The following MED12L variants were observed in gnomAD, a reference collection of about 807,000 sequenced individuals.
The protein encoded by MED12L is mediator of RNA polymerase II transcription subunit 12-like protein.
A neutral mutation model predicts 281.3 loss-of-function variants in MED12L; 60 were observed. The ratio of observed to expected loss-of-function variants is 0.21; its 90% confidence interval spans 0.17 to 0.26. The LOEUF is 0.26. MED12L is among the 10% of genes least tolerant of loss of function. The probability of loss-of-function intolerance (pLI) is 1.00; values close to 1 mark genes in which losing one functional copy is unlikely to be tolerated. For missense variants in MED12L, 2,146 were observed against 2,680.9 expected (o/e 0.80, Z 4.41); for synonymous variants, 974 against 987.2 (o/e 0.99, Z 0.25).
At chr3:151,326,421 C>A (rs1370056281) in intron 16 of MED12L, 1 of 152,418 alleles carries the variant, frequency 6.6e-6, no homozygotes, top group Non-Finnish European at 1.5e-5. Context: ...AATTACAATG[C>A]AATGTGATAA....
At chr3:151,108,198 G>A (rs1284561797) in intron 2 of MED12L, among the ~76,000 whole-genome samples, 4 of 124,440 alleles carry the variant, frequency 3.2e-5, no homozygotes, top group Non-Finnish European at 3.2e-5. Flanking sequence ...AGCAGTAGCC[G>A]AATCCTGCTG....
rs1469097031 is a variant in MED12L, at chr3:151,384,752, G to A, written c.4927-278G>A. ...GTTCTGCAGCTCCTGTCTTCTGATTGTGATCACTACCCTGGATTTTTGTCA... is the reference window on the plus strand; with the variant it reads ...GTTCTGCAGCTCCTGTCTTCTGATTATGATCACTACCCTGGATTTTTGTCA... On this transcript the variant is annotated intron_variant, in intron 35 of 44. Coordinates refer to ENST00000687756, the MANE Select transcript of MED12L (RefSeq NM_001393769.1). 2.7e-5 allele frequency: 9 copies of A among 328,110 alleles called. No homozygotes were observed. In the East Asian group the frequency reaches 6.9e-4, roughly 25 times the overall value. The allele number at this position is 328,110 out of a possible 1,614,324, so 20.3% of individuals were successfully genotyped here. A position where few individuals can be genotyped will look rare whatever the true frequency, so the allele number is the denominator to read the frequency against.
chr3:151,206,218 G>A (rs549672312), intron 16 of MED12L, among the ~76,000 whole-genome samples: 4 of 151,862 alleles, frequency 2.6e-5, no homozygotes, highest in African/African-American at 4.8e-5. Context: ...AAATGTAGAC[G>A]TATGGTTTCC....
At chr3:151,195,877 T>C (rs1486055862) in intron 16 of MED12L, among the ~76,000 whole-genome samples, 3 of 152,200 alleles carry the variant, frequency 2.0e-5, no homozygotes, top group Admixed American at 2.0e-4. Context: ...CGGAAATTAC[T>C]CTAATAAAAA....
chr3:151,406,417 G>T (rs918762715), intron 39 of MED12L, among the ~76,000 whole-genome samples: 1 of 152,230 alleles, frequency 6.6e-6, no homozygotes, highest in Non-Finnish European at 1.5e-5. Context: ...TCTGATAGGA[G>T]AGATTAGGGT....
At chr3:151,408,818 C>G (rs933584997) in intron 39 of MED12L, among the ~76,000 whole-genome samples, 1 of 152,202 alleles carries the variant, frequency 6.6e-6, no homozygotes, top group Non-Finnish European at 1.5e-5. Flanking sequence ...GAAGAAGCTT[C>G]ATTAAAAAGT....
intron 16 of MED12L, among the ~76,000 whole-genome samples, chr3:151,284,263 T>C (rs1743172331): frequency 6.6e-6 from 1 of 151,918 alleles, no homozygotes; most frequent in South Asian, 2.1e-4. Context: ...GTGCTATGGG[T>C]GATCACATGT....
At chr3:151,422,577 A>G (rs182958435) in intron 43 of MED12L, among the ~76,000 whole-genome samples, 3 of 152,204 alleles carry the variant, frequency 2.0e-5, no homozygotes, top group Non-Finnish European at 4.4e-5. Context: ...TAAGGACACC[A>G]GTCATATTGG....
intron 2 of MED12L, among the ~76,000 whole-genome samples, chr3:151,110,179 A>G (rs903783340): frequency 6.6e-6 from 1 of 152,210 alleles, no homozygotes; most frequent in Admixed American, 6.5e-5. Flanking sequence ...TTTTAGAGGC[A>G]TGCTGTTCCA....
chr3:151,097,839 C>T (rs1460805328), intron 2 of MED12L, among the ~76,000 whole-genome samples: 1 of 152,112 alleles, frequency 6.6e-6, no homozygotes, highest in Admixed American at 6.5e-5. Context: ...GAGAAACTGT[C>T]GTCTAGAGGG....
chr3:151,304,661 G>C (rs528645550), intron 16 of MED12L, among the ~76,000 whole-genome samples: 5 of 151,814 alleles, frequency 3.3e-5, no homozygotes, highest in African/African-American at 9.7e-5. Flanking sequence ...GGAGTGTATA[G>C]AGCAAGGATT....
chr3:151,099,945 CAG>C (rs1339206797), intron 2 of MED12L, among the ~76,000 whole-genome samples: 3 of 152,120 alleles, frequency 2.0e-5, no homozygotes, highest in African/African-American at 4.8e-5. Context: ...TTCCTGGACT[CAG>C]GGGATCTCTG....
chr3:151,376,977 A>G lies in MED12L; in HGVS notation c.4129-14A>G, dbSNP rs752493417. ...AATACACATATGTGCCAGTATTCTT[A>G]TATCTAACTCTAGGGCTCTGGTTCT... On this transcript the variant is annotated splice_polypyrimidine_tract_variant and intron_variant, in intron 29 of 44. Coordinates refer to ENST00000687756, the MANE Select transcript of MED12L (RefSeq NM_001393769.1). 5 of 1,612,906 alleles carry G rather than the reference A, an allele frequency of 3.1e-6. No individual in the cohort carries two copies. The highest frequency in any genetic ancestry group is 4.2e-6 in the Non-Finnish European group (5 of 1,179,364).
chr3:151,252,087 T>C (rs1736958872), intron 16 of MED12L, among the ~76,000 whole-genome samples: 2 of 152,154 alleles, frequency 1.3e-5, no homozygotes, highest in South Asian at 4.1e-4. Context: ...CCCTTTCCTA[T>C]GGGAGGTTAT....
At position 151,355,117 on chromosome 3, in the gene MED12L, G is replaced by A; in HGVS notation, c.2399-4G>A. ...AATAATGGATCTGCTTTATGTTTAT[G>A]TAGTTGGGGACGAAGGACAAAAAGC... is the stretch of plus-strand genomic sequence containing the variant. On this transcript the variant is annotated splice_polypyrimidine_tract_variant and splice_region_variant and intron_variant, in intron 17 of 44. Transcript: ENST00000687756. 6.2e-7 allele frequency: 1 copy of A among 1,604,130 alleles called. No individual in the cohort carries two copies. Among genetic ancestry groups the A allele is most frequent in the Non-Finnish European group, 8.5e-7 (1 of 1,171,470 alleles).
intron 16 of MED12L, among the ~76,000 whole-genome samples, chr3:151,247,973 T>A (rs1406124939): frequency 6.9e-6 from 1 of 144,432 alleles, no homozygotes; most frequent in Non-Finnish European, 1.5e-5. Context: ...TTTTTTTTTT[T>A]TTTTTTTTTT....
chr3:151,389,895 CAGAT>C, intron 37 of MED12L, 80 bp from the exon 38 acceptor site: 71 of 1,378,024 alleles, frequency 5.2e-5, no homozygotes, highest in Non-Finnish European at 7.2e-5. Context: ...GGAGGTACCT[CAGAT>C]AGCTTACTGA....
intron 16 of MED12L, among the ~76,000 whole-genome samples, chr3:151,343,446 T>G (rs947962262): frequency 1.3e-5 from 2 of 152,338 alleles, no homozygotes; most frequent in Non-Finnish European, 2.9e-5. Flanking sequence ...ACCACATACC[T>G]ATTTACAAAC....
chr3:151,168,392 G>A lies in MED12L; in HGVS notation c.1494+2410G>A, dbSNP rs947806857. On this transcript the variant is annotated intron_variant, in intron 11 of 44. Transcript: ENST00000687756. ...ACTCTTTGAGCTGAGAGGGTGTGTG[G>A]GAAATGTTTGGAAATCACTGCCGGA... 3.3e-5 allele frequency among the ~76,000 whole-genome samples: 5 copies of A among 152,182 alleles called. No homozygotes were observed. The South Asian group carries it at 8.3e-4, about 25-fold the overall frequency.
Sources: gnomAD v4.1 joint callset for allele counts (sites outside exome capture counted in the v4.1 genomes callset) on GRCh38, gnomAD v4.1.1 for gene constraint, MANE v1.5 for transcripts, NCBI Gene and HGNC (gene_info 2026-07-23, HGNC 2026-07-21) for gene names.